SLC25A42: variants seen among roughly 807,000 people sequenced by gnomAD.
SLC25A42 encodes the protein mitochondrial coenzyme A transporter SLC25A42.
SLC25A42 carries 19 observed loss-of-function variants against 34.7 expected under a neutral mutation model. The ratio of observed to expected loss-of-function variants is 0.55; its 90% confidence interval spans 0.38 to 0.80. The LOEUF (loss-of-function observed/expected upper bound fraction) is 0.80. Ranked by LOEUF, SLC25A42 falls within the 30% of genes least tolerant of loss-of-function variation. The pLI is 0.00. For synonymous variants in SLC25A42, 205 were observed against 191.2 expected (o/e 1.07, Z -0.59); for missense variants, 364 against 441.3 (o/e 0.82, Z 1.57).
chr19:19,091,554 GA>G (rs1336847414), intron 1 of SLC25A42, among the ~76,000 whole-genome samples: 1 of 151,896 alleles, frequency 6.6e-6, no homozygotes, highest in African/African-American at 2.4e-5. Flanking sequence ...AGGTGATGGG[GA>G]AAAAACAAAT....
chr19:19,071,149 G>A (rs1290115401), intron 1 of SLC25A42, among the ~76,000 whole-genome samples: 2 of 151,986 alleles, frequency 1.3e-5, no homozygotes, highest in East Asian at 3.9e-4. Context: ...TGGGACTATA[G>A]GCATGCACCA....
intron 6 of SLC25A42, 104 bp from the exon 7 acceptor site, chr19:19,107,790 A>G: frequency 8.8e-7 from 1 of 1,139,020 alleles, no homozygotes; most frequent in Non-Finnish European, 1.3e-6. Flanking sequence ...ACATCCAGAC[A>G]CACCCAGGCC....
chr19:19,068,528 A>G (rs564208101), intron 1 of SLC25A42, among the ~76,000 whole-genome samples: 1 of 151,130 alleles, frequency 6.6e-6, no homozygotes, highest in African/African-American at 2.4e-5. Flanking sequence ...TTAGCCGGGC[A>G]TGTTGGTGGG....
intron 3 of SLC25A42, 108 bp from the exon 4 acceptor site, chr19:19,104,805 G>C (rs1207919303): frequency 6.3e-6 from 8 of 1,276,530 alleles, no homozygotes; most frequent in Admixed American, 1.7e-5. Flanking sequence ...GACAAGATTG[G>C]GGGGAAAAGG....
chr19:19,082,972 C>T (rs983116572), intron 1 of SLC25A42, among the ~76,000 whole-genome samples: 1 of 152,240 alleles, frequency 6.6e-6, no homozygotes, highest in South Asian at 2.1e-4. Context: ...GTGCGTGCCA[C>T]CACACCCAGC....
At chr19:19,104,849 G>T (rs1024663526) in intron 3 of SLC25A42, 64 bp from the exon 4 acceptor site, 29 of 1,596,256 alleles carry the variant, frequency 1.8e-5, no homozygotes, top group Non-Finnish European at 1.7e-6. Context: ...CAGGGGTGGG[G>T]CCACGCAGAT....
At chr19:19,083,467 C>T (rs2059691196) in intron 1 of SLC25A42, among the ~76,000 whole-genome samples, 1 of 152,358 alleles carries the variant, frequency 6.6e-6, no homozygotes, top group African/African-American at 2.4e-5. Flanking sequence ...TTAAGGTTCC[C>T]CTTTCCAGGG....
intron 5 of SLC25A42, 95 bp downstream of exon 5, chr19:19,105,822 T>C (rs2145923524): frequency 8.8e-7 from 1 of 1,131,352 alleles, no homozygotes; most frequent in Non-Finnish European, 1.2e-6. Flanking sequence ...CTTCGTGCCT[T>C]GCCCCTAGCC....
At chr19:19,084,099 G>C (rs2059694660) in intron 1 of SLC25A42, among the ~76,000 whole-genome samples, 2 of 151,562 alleles carry the variant, frequency 1.3e-5, no homozygotes, top group South Asian at 2.1e-4. Context: ...CACCTCCAGG[G>C]CCCTGCACAC....
Position 19,105,737 on chromosome 19 carries a change from C to T in SLC25A42, c.380+10C>T, listed in dbSNP as rs1338690132. The T allele has an allele frequency of 6.5e-7, 1 of 1,533,408 alleles. No homozygotes were observed. The highest frequency in any genetic ancestry group is 8.8e-7 in the Non-Finnish European group (1 of 1,133,990). The allele number at this position is 1,533,408 out of a possible 1,614,324, so 95.0% of individuals were successfully genotyped here. A position where few individuals can be genotyped will look rare whatever the true frequency, so the allele number is the denominator to read the frequency against. ...ATGGCTTCCGTGGAGAGTGAGGCCC[C>T]GCCCCGCCCTGCCACAGAATCGCCC... On this transcript the variant is annotated intron_variant, in intron 5 of 7. Coordinates refer to ENST00000318596, the MANE Select transcript of SLC25A42 (RefSeq NM_178526.5).
chr19:19,106,139 C>G (rs2059826098), intron 5 of SLC25A42, 130 bp from the exon 6 acceptor site: 1 of 765,094 alleles, frequency 1.3e-6, no homozygotes, highest in African/African-American at 1.7e-5. Flanking sequence ...GGAAGCCAAA[C>G]CCGCCTCGTG....
chr19:19,100,614 C>A (rs774144218), intron 2 of SLC25A42, among the ~76,000 whole-genome samples: 1 of 152,216 alleles, frequency 6.6e-6, no homozygotes, highest in Non-Finnish European at 1.5e-5. Flanking sequence ...CAGCCTCTCA[C>A]CTACCAACCC....
chr19:19,086,588 GT>G (rs1464698099), intron 1 of SLC25A42, among the ~76,000 whole-genome samples: 2 of 152,024 alleles, frequency 1.3e-5, no homozygotes, highest in Admixed American at 6.6e-5. Context: ...TTTTAAAATT[GT>G]TTATATTTAA....
chr19:19,110,354 A>T (rs937374416), intron 7 of SLC25A42, among the ~76,000 whole-genome samples: 17 of 151,810 alleles, frequency 1.1e-4, no homozygotes, highest in African/African-American at 1.9e-4. Context: ...CAAAAAAAAA[A>T]TTTTTTTTAT....
rs1165001930 is a variant in SLC25A42, at chr19:19,112,180, G to C, written c.*1304G>C. On this transcript the variant is annotated 3_prime_UTR_variant, in exon 8 of 8. Coordinates refer to ENST00000318596, the MANE Select transcript of SLC25A42 (RefSeq NM_178526.5). This position sits in a 1 kb window ranked among gnomAD's most constrained non-coding sequence, Gnocchi z 4.3. ...CCTGACTGGTCTGCCTGGTGCCAGG[G>C]TGAGCGTGACCGTGAGTGTTGCTTT... is the stretch of plus-strand genomic sequence containing the variant. 6.6e-6 allele frequency: 1 copy of C among 152,322 alleles called. No individual in the cohort carries two copies. The highest frequency in any genetic ancestry group is 1.5e-5 in the Non-Finnish European group (1 of 68,112). The allele number at this position is 152,322 out of a possible 1,614,324, so 9.4% of individuals were successfully genotyped here.
chr19:19,089,454 G>A (rs968600583), intron 1 of SLC25A42, among the ~76,000 whole-genome samples: 1 of 151,742 alleles, frequency 6.6e-6, no homozygotes, highest in South Asian at 2.1e-4. Context: ...CTTGAACCCG[G>A]GAGGTGGAGG....
intron 4 of SLC25A42, 160 bp downstream of exon 4, chr19:19,105,098 C>T (rs1210841347): frequency 2.3e-6 from 2 of 856,434 alleles, no homozygotes; most frequent in Non-Finnish European, 3.7e-6. Context: ...AGCCTGGGAA[C>T]TGACGGGACA....
At chr19:19,093,968 G>A (rs975530514) in intron 1 of SLC25A42, among the ~76,000 whole-genome samples, 1 of 152,210 alleles carries the variant, frequency 6.6e-6, no homozygotes, top group African/African-American at 2.4e-5. Context: ...GAGCCACTGC[G>A]CCCAGCCTGA....
intron 1 of SLC25A42, among the ~76,000 whole-genome samples, chr19:19,092,474 G>A (rs1278702097): frequency 6.6e-6 from 1 of 152,156 alleles, no homozygotes; most frequent in Non-Finnish European, 1.5e-5. Flanking sequence ...GTGAAGGATG[G>A]TACCATGGGC....
Sources: gnomAD v4.1 joint callset for allele counts (sites outside exome capture counted in the v4.1 genomes callset) on GRCh38, gnomAD v4.1.1 for gene constraint, Gnocchi (gnomAD v3.1) non-coding constraint, MANE v1.5 for transcripts, NCBI Gene and HGNC (gene_info 2026-07-23, HGNC 2026-07-21) for gene names.